The following QTGAL variants were observed in gnomAD, a reference collection of about 807,000 sequenced individuals.
QTGAL encodes BGnT-like protein 1.
the QTGAL span, among the ~76,000 whole-genome samples, chr17:83,044,413 A>T: frequency 6.6e-6 from 1 of 152,344 alleles, no homozygotes; most frequent in South Asian, 2.1e-4. Context: ...TGGTGTCAAA[A>T]AGGCATTTGA....
the QTGAL span, among the ~76,000 whole-genome samples, chr17:82,962,318 A>G: frequency 1.3e-5 from 2 of 152,250 alleles, no homozygotes; most frequent in African/African-American, 2.4e-5. Flanking sequence ...CCACGATGAC[A>G]TGGAAAGATT....
the QTGAL span, among the ~76,000 whole-genome samples, chr17:82,950,691 C>T: frequency 2.6e-5 from 4 of 152,232 alleles, no homozygotes; most frequent in East Asian, 3.8e-4. Context: ...CCTGGACCCA[C>T]GGTCTGCAGA....
At chr17:83,051,601 G>A in the QTGAL span, 1 of 926,112 alleles carries the variant, frequency 1.1e-6, no homozygotes, top group African/African-American at 1.7e-5. Flanking sequence ...GGGCTGCTCA[G>A]GGCGGAGACC....
the QTGAL span, chr17:82,961,002 G>A: frequency 3.4e-4 from 535 of 1,564,726 alleles, no homozygotes; most frequent in Non-Finnish European, 4.3e-4. Flanking sequence ...GACCTCGGGC[G>A]CCTCCCGTGT....
the QTGAL span, among the ~76,000 whole-genome samples, chr17:82,989,311 C>CG: frequency 1.3e-5 from 2 of 150,828 alleles, no homozygotes; most frequent in Non-Finnish European, 2.9e-5. Flanking sequence ...CATATGGACA[C>CG]GGGGGGAACA....
chr17:82,970,281 G>C, the QTGAL span, among the ~76,000 whole-genome samples: 15 of 152,238 alleles, frequency 9.9e-5, no homozygotes, highest in African/African-American at 3.4e-4. Context: ...GGCCCCCTGA[G>C]AGGCTGCAGT....
At chr17:83,026,430 T>C in the QTGAL span, among the ~76,000 whole-genome samples, 1 of 152,250 alleles carries the variant, frequency 6.6e-6, no homozygotes, top group Non-Finnish European at 1.5e-5. Flanking sequence ...CTCAGCAGAA[T>C]GCTGTACAGC....
At chr17:82,965,958 T>C in the QTGAL span, among the ~76,000 whole-genome samples, 515 of 152,270 alleles carry the variant, frequency 3.4e-3, 5 homozygotes, top group Admixed American at 0.029. Context: ...GTGGCTGACG[T>C]GTCCCTTCTC....
chr17:83,033,079 A>G, the QTGAL span, among the ~76,000 whole-genome samples: 1 of 152,254 alleles, frequency 6.6e-6, no homozygotes, highest in Non-Finnish European at 1.5e-5. Flanking sequence ...GAAGCCCCGG[A>G]ACCTGGCCAC....
the QTGAL span, chr17:83,005,902 TCC>T: frequency 7.4e-7 from 1 of 1,358,628 alleles, no homozygotes; most frequent in Non-Finnish European, 9.5e-7. The surrounding 1 kb of genome is among the most constrained non-coding windows in gnomAD (Gnocchi z 5.6). Flanking sequence ...CGGAGTGGGC[TCC>T]CAGCACTCAG....
At chr17:82,964,619 G>A in the QTGAL span, among the ~76,000 whole-genome samples, 1 of 129,724 alleles carries the variant, frequency 7.7e-6, no homozygotes, top group Non-Finnish European at 1.6e-5. Context: ...GATGCCTGCA[G>A]GTGCACCCCC....
At chr17:82,975,734 G>A in the QTGAL span, among the ~76,000 whole-genome samples, 1 of 73,458 alleles carries the variant, frequency 1.4e-5, no homozygotes. Context: ...GGACAGAGCC[G>A]GACTCCATCC....
At chr17:82,985,586 G>A in the QTGAL span, among the ~76,000 whole-genome samples, 1 of 152,164 alleles carries the variant, frequency 6.6e-6, no homozygotes, top group African/African-American at 2.4e-5. Context: ...TAGTGGCACC[G>A]TTTTCACGTG....
At chr17:82,969,277 G>A in the QTGAL span, among the ~76,000 whole-genome samples, 2 of 148,466 alleles carry the variant, frequency 1.3e-5, no homozygotes, top group South Asian at 4.3e-4. Context: ...CTTGTGCCTC[G>A]GCCATCGGAG....
At chr17:83,028,522 C>CAA in the QTGAL span, among the ~76,000 whole-genome samples, 18 of 52,250 alleles carry the variant, frequency 3.4e-4, no homozygotes, top group South Asian at 6.5e-4. Context: ...GACTCCATCT[C>CAA]AAAAAAAAAA....
chr17:82,980,570 G>T, the QTGAL span, among the ~76,000 whole-genome samples: 20 of 152,280 alleles, frequency 1.3e-4, no homozygotes, highest in African/African-American at 4.8e-4. Flanking sequence ...TAATTTTCTA[G>T]AGGGACCCAC....
the QTGAL span, chr17:83,005,262 G>C: frequency 6.4e-6 from 9 of 1,405,898 alleles, no homozygotes; most frequent in Non-Finnish European, 9.0e-6. This position sits in a 1 kb window ranked among gnomAD's most constrained non-coding sequence, Gnocchi z 5.6. Context: ...GTACGCAGGT[G>C]CATGTGCACA....
chr17:82,971,391 T>TC, the QTGAL span, among the ~76,000 whole-genome samples: 1 of 152,144 alleles, frequency 6.6e-6, no homozygotes, highest in Admixed American at 6.5e-5. Context: ...GCACCTGAAC[T>TC]GCCAGGCGCC....
At chr17:83,021,348 A>C in the QTGAL span, among the ~76,000 whole-genome samples, 1 of 149,918 alleles carries the variant, frequency 6.7e-6, no homozygotes. Context: ...CAAAAAAAAA[A>C]CTCTACTAGA....
Sources: allele counts gnomAD v4.1 joint callset (sites outside exome capture counted in the v4.1 genomes callset), GRCh38; gene constraint gnomAD v4.1.1; non-coding constraint Gnocchi (gnomAD v3.1); transcripts MANE v1.5; gene names NCBI Gene and HGNC (gene_info 2026-07-23, HGNC 2026-07-21).